Variants in COL6A2 observed in about 807,000 individuals in gnomAD.
The protein encoded by COL6A2 is collagen alpha-2(VI) chain.
Under a neutral mutation model 124.9 loss-of-function variants are expected in COL6A2, and 90 were observed. The observed-to-expected ratio is 0.72, with a 90% confidence interval of 0.61 to 0.86. COL6A2 has a LOEUF of 0.86. COL6A2 is among the 40% of genes least tolerant of loss of function. COL6A2 has a pLI of 0.00. For missense variants in COL6A2, 1,607 were observed against 1,502.5 expected (o/e 1.07, Z -1.15); for synonymous variants, 793 against 618.2 (o/e 1.28, Z -4.19).
At position 46,116,916 on chromosome 21, in the gene COL6A2, TACACACGCATACAC is replaced by T; in HGVS notation, c.999+109_999+122del. 1 of 804,014 alleles carries T rather than the reference TACACACGCATACAC, an allele frequency of 1.2e-6. No individual in the cohort carries two copies. The highest frequency in any genetic ancestry group is 2.0e-6 in the Non-Finnish European group (1 of 509,388). The allele number at this position is 804,014 out of a possible 1,614,324, so 49.8% of individuals were successfully genotyped here. On this transcript the variant is annotated intron_variant, in intron 10 of 27. Transcript: ENST00000300527. This position sits in a 1 kb window ranked among gnomAD's most constrained non-coding sequence, Gnocchi z 4.6. ...CCTGATCTGTCAGCTTACACATGTG[TACACACGCATACAC>T]ACACACACACACACACACACACACA...
rs766233504 is a variant in COL6A2, at chr21:46,117,493, G to A, written c.1053+40G>A. 5.6e-6 allele frequency: 9 copies of A among 1,604,262 alleles called. No individual in the cohort carries two copies. The Admixed American group carries it at 6.7e-5, about 12-fold the overall frequency. On this transcript the variant is annotated intron_variant, in intron 11 of 27. Transcript: ENST00000300527. ...CACCCCTCCTTCAGCCTCGGCCCAG[G>A]GGGTGTGGGTGCCTGACCGGGTGGG... is the stretch of plus-strand genomic sequence containing the variant.
At chr21:46,117,747 G>T in intron 11 of COL6A2, 127 bp from the exon 12 acceptor site, 1 of 896,124 alleles carries the variant, frequency 1.1e-6, no homozygotes. Flanking sequence ...CTTGGTCACT[G>T]AGCCTGGGCC....
rs543068495 is a variant in COL6A2 at position 46,114,293 on chromosome 21, C to T, written c.801+220C>T. On this transcript the variant is annotated intron_variant, in intron 5 of 27. Coordinates refer to ENST00000300527, the MANE Select transcript of COL6A2 (RefSeq NM_001849.4). ...TACAAAAATTAGCCGGGCGTAGTGG[C>T]ATGCGCCTGTAGTCCCAGCTACTCG... 2.0e-5 allele frequency among the ~76,000 whole-genome samples: 3 copies of T among 152,114 alleles called. No individual in the cohort carries two copies. The South Asian group carries it at 6.2e-4, about 32-fold the overall frequency.
At chr21:46,098,436 C>T (rs1027886913) in intron 1 of COL6A2, among the ~76,000 whole-genome samples, 3 of 119,346 alleles carry the variant, frequency 2.5e-5, no homozygotes, top group African/African-American at 9.2e-5. Flanking sequence ...TCCTCTGGGG[C>T]GGAGCCGGCC....
intron 27 of COL6A2, chr21:46,129,431 C>CT: frequency 6.2e-7 from 1 of 1,608,994 alleles, no homozygotes; most frequent in African/African-American, 1.3e-5. Flanking sequence ...TCATTGACAC[C>CT]TTTAAGCTGG....
intron 25 of COL6A2, 46 bp from the exon 26 acceptor site, chr21:46,125,739 C>G: frequency 1.9e-6 from 3 of 1,604,150 alleles, no homozygotes; most frequent in Non-Finnish European, 1.7e-6. Flanking sequence ...GGGGATGCCC[C>G]AGACCCCGAG....
At chr21:46,105,143 C>T (rs535614149) in intron 1 of COL6A2, among the ~76,000 whole-genome samples, 9 of 152,154 alleles carry the variant, frequency 5.9e-5, no homozygotes, top group African/African-American at 1.4e-4. Context: ...TTTGGGAGGC[C>T]GAGGCAGGAG....
rs1238547195 is a variant in COL6A2, at chr21:46,100,458, C to T, written c.-28+2285C>T. ...ATTTTTAAGTGTGCAGCTAGTTCAG[C>T]GACAGTAAGTACATTCATAGTGTTG... On this transcript the variant is annotated intron_variant, in intron 1 of 27. Transcript: ENST00000300527. 2.0e-5 allele frequency among the ~76,000 whole-genome samples: 3 copies of T among 152,064 alleles called. No individual in the cohort carries two copies. The East Asian group carries it at 5.8e-4, about 29-fold the overall frequency.
chr21:46,116,899 G>T lies in COL6A2; in HGVS notation c.999+85G>T, dbSNP rs2078480249. 2.9e-6 allele frequency: 4 copies of T among 1,378,198 alleles called. No homozygotes were observed. In the African/African-American group the frequency reaches 4.3e-5, roughly 15 times the overall value. 85.4% of individuals were successfully genotyped at this position (1,378,198 alleles called of 1,614,324 possible). On this transcript the variant is annotated intron_variant, in intron 10 of 27. Coordinates refer to ENST00000300527, the MANE Select transcript of COL6A2 (RefSeq NM_001849.4). The surrounding 1 kb of genome is among the most constrained non-coding windows in gnomAD (Gnocchi z 4.6). ...AGGGCCCCCAGATCCAGCCTGATCT[G>T]TCAGCTTACACATGTGTACACACGC... is the stretch of plus-strand genomic sequence containing the variant.
At chr21:46,128,859 C>A in intron 27 of COL6A2, 1 of 1,533,720 alleles carries the variant, frequency 6.5e-7, no homozygotes. Flanking sequence ...GACGGGCCTG[C>A]GGCACTGGAA....
rs888017919 is a variant in COL6A2, at chr21:46,129,844, A to G, written c.2462-2110A>G. Reference sequence around the variant, plus strand: ...TTCTTTGCTGCATCAGGTCACCCTCACAGGCTCCAGGGTTTGGGTGTGGAA... The same window carrying G: ...TTCTTTGCTGCATCAGGTCACCCTCGCAGGCTCCAGGGTTTGGGTGTGGAA... On this transcript the variant is annotated intron_variant, in intron 27 of 27. Transcript: ENST00000300527. 2.2e-5 allele frequency: 24 copies of G among 1,073,640 alleles called. No individual in the cohort carries two copies. In the African/African-American group the frequency reaches 2.6e-4, roughly 12 times the overall value. The allele number at this position is 1,073,640 out of a possible 1,614,324, so 66.5% of individuals were successfully genotyped here.
At position 46,128,997 on chromosome 21, in the gene COL6A2, C is replaced by G. The variant is rs1296880350; in HGVS notation, c.2461+2456C>G. 1.2e-5 allele frequency: 20 copies of G among 1,604,958 alleles called. No homozygotes were observed. The East Asian group carries it at 1.8e-4, about 14-fold the overall frequency. The stretch of plus-strand genomic sequence containing the variant: ...TGCGGGTCTCCTAGCTCCCTGCCAG[C>G]TTCCTGTCCCTGTGCTCACTGCCCC... On this transcript the variant is annotated intron_variant, in intron 27 of 27. Coordinates refer to ENST00000300527, the MANE Select transcript of COL6A2 (RefSeq NM_001849.4).
At chr21:46,129,721 C>G (rs547243443) in intron 27 of COL6A2, 1 of 1,398,548 alleles carries the variant, frequency 7.2e-7, no homozygotes, top group Admixed American at 3.0e-5. Flanking sequence ...TTCCTGTGGC[C>G]GCTCTCTTTA....
chr21:46,115,365 G>C (rs1292936752), intron 5 of COL6A2, among the ~76,000 whole-genome samples: 1 of 152,176 alleles, frequency 6.6e-6, no homozygotes, highest in Non-Finnish European at 1.5e-5. Context: ...CACTTAAATT[G>C]GGAGCATATC....
chr21:46,115,839 C>A (rs777865946), intron 5 of COL6A2, 33 bp from the exon 6 acceptor site: 4 of 1,610,140 alleles, frequency 2.5e-6, no homozygotes, highest in Non-Finnish European at 3.4e-6. Context: ...CCCACCCTAC[C>A]CTGCCTCGAT....
chr21:46,123,220 GTCCCC>G (rs1163380773), intron 21 of COL6A2, among the ~76,000 whole-genome samples: 1 of 101,818 alleles, frequency 9.8e-6, no homozygotes, highest in Non-Finnish European at 1.7e-5. Flanking sequence ...TCCCCCCAGA[GTCCCC>G]TCCCAGCATC....
intron 4 of COL6A2, among the ~76,000 whole-genome samples, chr21:46,113,166 G>A (rs1026078725): frequency 2.0e-5 from 3 of 152,048 alleles, no homozygotes; most frequent in South Asian, 2.1e-4. Flanking sequence ...TGACATCATC[G>A]GGGTCCATGA....
In COL6A2 at chr21:46,116,926, T is replaced by TACACACGCATACAC. The variant is rs2078481159; in HGVS notation, c.999+118_999+119insGCATACACACACAC. The TACACACGCATACAC allele has an allele frequency of 7.8e-6, 5 of 639,232 alleles. No homozygotes were observed. The South Asian group carries it at 9.1e-5, about 12-fold the overall frequency. 39.6% of individuals were successfully genotyped at this position (639,232 alleles called of 1,614,324 possible). ...CAGCTTACACATGTGTACACACGCA[T>TACACACGCATACAC]ACACACACACACACACACACACACA... is the stretch of plus-strand genomic sequence containing the variant. On this transcript the variant is annotated intron_variant, in intron 10 of 27. Coordinates refer to ENST00000300527, the MANE Select transcript of COL6A2 (RefSeq NM_001849.4). This position sits in a 1 kb window ranked among gnomAD's most constrained non-coding sequence, Gnocchi z 4.6.
intron 27 of COL6A2, among the ~76,000 whole-genome samples, chr21:46,128,472 A>C (rs886380089): frequency 6.5e-5 from 9 of 139,140 alleles, no homozygotes; most frequent in Non-Finnish European, 1.1e-4. Context: ...CACTGGGTGG[A>C]CACCACTGGC....
Sources: gnomAD v4.1 joint callset for allele counts (sites outside exome capture counted in the v4.1 genomes callset) on GRCh38, gnomAD v4.1.1 for gene constraint, Gnocchi (gnomAD v3.1) non-coding constraint, MANE v1.5 for transcripts, NCBI Gene and HGNC (gene_info 2026-07-23, HGNC 2026-07-21) for gene names.